NBAS: variants seen among roughly 807,000 people sequenced by gnomAD.
NBAS encodes the protein NAG/BC035112 fusion.
In NBAS, 219 loss-of-function variants were observed where a neutral mutation model predicts 302.5. That is an observed-to-expected ratio of 0.72 (90% confidence interval 0.65 to 0.81). The LOEUF is 0.81. Ranked by LOEUF, NBAS falls within the 30% of genes least tolerant of loss-of-function variation. The pLI, the probability that NBAS is intolerant of heterozygous loss-of-function variation, is 0.00. For synonymous variants in NBAS, 1,118 were observed against 1,021.6 expected (o/e 1.09, Z -1.80); for missense variants, 2,932 against 2,841.6 (o/e 1.03, Z -0.72).
intron 42 of NBAS, 147 bp downstream of exon 42, chr2:15,286,925 AT>A (rs1404214607): frequency 1.2e-5 from 8 of 653,620 alleles, no homozygotes; most frequent in Non-Finnish European, 2.1e-5. Context: ...TGTATCAAAG[AT>A]GTATAAGGAA....
the NBAS span, among the ~76,000 whole-genome samples, chr2:14,921,450 C>T: frequency 2.0e-5 from 3 of 152,258 alleles, no homozygotes; most frequent in Admixed American, 2.0e-4. Flanking sequence ...CAATCAACTT[C>T]CTCAGCACAG....
intron 9 of NBAS, among the ~76,000 whole-genome samples, chr2:15,529,906 T>A (rs971797587): frequency 5.3e-5 from 8 of 152,204 alleles, no homozygotes; most frequent in Non-Finnish European, 1.0e-4. Flanking sequence ...ATCGAAAGTG[T>A]TTTGTTAAAA....
At chr2:15,284,588 G>GA (rs1215648095) in intron 42 of NBAS, among the ~76,000 whole-genome samples, 1 of 152,076 alleles carries the variant, frequency 6.6e-6, no homozygotes, top group African/African-American at 2.4e-5. Flanking sequence ...CTTCACAGGG[G>GA]AAAAAATTAC....
chr2:14,973,640 A>T, the NBAS span, among the ~76,000 whole-genome samples: 2 of 152,226 alleles, frequency 1.3e-5, no homozygotes, highest in East Asian at 1.9e-4. Context: ...GGCAAAGGAA[A>T]ATGAACAAAC....
At chr2:14,791,809 TAAA>T in the NBAS span, among the ~76,000 whole-genome samples, 6 of 133,802 alleles carry the variant, frequency 4.5e-5, no homozygotes, top group Admixed American at 4.4e-4. Flanking sequence ...ATCTCATAAA[TAAA>T]TAAATAAATA....
chr2:15,080,975 G>A, the NBAS span, among the ~76,000 whole-genome samples: 1 of 152,168 alleles, frequency 6.6e-6, no homozygotes, highest in East Asian at 1.9e-4. Context: ...ATGGACAGCT[G>A]CCAAGGAATT....
chr2:14,840,728 CA>C, the NBAS span, among the ~76,000 whole-genome samples: 1 of 151,896 alleles, frequency 6.6e-6, no homozygotes, highest in African/African-American at 2.4e-5. Context: ...TCCAGACAAA[CA>C]AAAGCTGAGA....
intron 44 of NBAS, among the ~76,000 whole-genome samples, chr2:15,245,976 A>G (rs938462226): frequency 1.1e-4 from 17 of 152,146 alleles, no homozygotes; most frequent in African/African-American, 3.6e-4. Context: ...TCATTTTCTG[A>G]TCTCTGATTT....
chr2:15,227,220 A>C (rs995724767), intron 47 of NBAS, among the ~76,000 whole-genome samples: 6 of 152,210 alleles, frequency 3.9e-5, no homozygotes, highest in African/African-American at 1.4e-4. Flanking sequence ...GCCAATAGCA[A>C]ACAATCTGAA....
the NBAS span, among the ~76,000 whole-genome samples, chr2:14,945,449 G>A: frequency 6.6e-6 from 1 of 152,124 alleles, no homozygotes; most frequent in Admixed American, 6.5e-5. Context: ...CAAGGAAACA[G>A]TGACTCATAC....
intron 15 of NBAS, 115 bp from the exon 16 acceptor site, chr2:15,473,462 T>C (rs1038543282): frequency 3.8e-5 from 50 of 1,323,746 alleles, no homozygotes; most frequent in Non-Finnish European, 5.3e-5. Context: ...TGTCACTAAT[T>C]CCTGTGCACT....
chr2:15,464,532 G>A (rs373972970), intron 19 of NBAS, among the ~76,000 whole-genome samples: 8 of 151,918 alleles, frequency 5.3e-5, no homozygotes, highest in African/African-American at 1.7e-4. Flanking sequence ...TCTTTCTTCT[G>A]TTCCATAAAG....
At chr2:15,018,521 C>G in the NBAS span, among the ~76,000 whole-genome samples, 1 of 151,906 alleles carries the variant, frequency 6.6e-6, no homozygotes, top group South Asian at 2.1e-4. Flanking sequence ...AAGTTTGAAA[C>G]CATTTATACA....
chr2:15,484,155 T>C (rs1383871638), intron 12 of NBAS, among the ~76,000 whole-genome samples: 1 of 152,204 alleles, frequency 6.6e-6, no homozygotes, highest in Non-Finnish European at 1.5e-5. Flanking sequence ...TTATTACTAC[T>C]TGCACATTTC....
At chr2:14,957,772 G>T in the NBAS span, among the ~76,000 whole-genome samples, 1 of 152,130 alleles carries the variant, frequency 6.6e-6, no homozygotes, top group African/African-American at 2.4e-5. Context: ...TCAGCCCCCT[G>T]CACCTGTCTC....
At chr2:15,266,219 C>A (rs538347355) in intron 44 of NBAS, among the ~76,000 whole-genome samples, 1 of 152,294 alleles carries the variant, frequency 6.6e-6, no homozygotes, top group African/African-American at 2.4e-5. Flanking sequence ...GTCAATTAAA[C>A]CTCTTTTCTT....
rs1411185409 is a variant in NBAS at position 15,401,130 on chromosome 2, T to G, written c.3071+1038A>C. Among the ~76,000 whole-genome samples, 3 of 152,010 alleles carry G rather than the reference T, an allele frequency of 2.0e-5. No individual in the cohort carries two copies. In the East Asian group the frequency reaches 5.8e-4, roughly 29 times the overall value. On this transcript the variant is annotated intron_variant, in intron 26 of 51. Transcript: ENST00000281513. ...AAGATCATGGCAGTTAGAGCCCAAC[T>G]TTGAAACTTAAAAAAAAAAAGTCAC... is the stretch of plus-strand genomic sequence containing the variant.
chr2:14,938,112 C>T, the NBAS span, among the ~76,000 whole-genome samples: 5 of 151,454 alleles, frequency 3.3e-5, no homozygotes, highest in East Asian at 9.7e-4. Flanking sequence ...TGGGTGACAG[C>T]GAGACTCCAT....
At chr2:15,157,485 C>T in the NBAS span, among the ~76,000 whole-genome samples, 7 of 152,176 alleles carry the variant, frequency 4.6e-5, no homozygotes, top group Non-Finnish European at 8.8e-5. Flanking sequence ...GGGCCGTCTT[C>T]GCAGCATGAC....
Sources: allele counts gnomAD v4.1 joint callset (sites outside exome capture counted in the v4.1 genomes callset), GRCh38; gene constraint gnomAD v4.1.1; transcripts MANE v1.5; gene names NCBI Gene and HGNC (gene_info 2026-07-23, HGNC 2026-07-21).